The following OTUD7B variants were observed in gnomAD, a reference collection of about 807,000 sequenced individuals.
OTUD7B encodes OTU deubiquitinase 7B, also known as OTU domain-containing protein 7B.
A neutral mutation model predicts 82.2 loss-of-function variants in OTUD7B; 34 were observed. That is an observed-to-expected ratio of 0.41 (90% confidence interval 0.31 to 0.55). OTUD7B has a LOEUF of 0.55. Among genes scored for constraint, OTUD7B ranks in the 20% least tolerant of loss-of-function variants. The pLI, the probability that OTUD7B is intolerant of heterozygous loss-of-function variation, is 0.20. For missense variants in OTUD7B, 944 were observed against 1,062.1 expected (o/e 0.89, Z 1.55); for synonymous variants, 398 against 402.7 (o/e 0.99, Z 0.14).
the OTUD7B span, among the ~76,000 whole-genome samples, chr1:150,048,199 C>T: frequency 6.6e-6 from 1 of 152,080 alleles, no homozygotes; most frequent in Non-Finnish European, 1.5e-5. Flanking sequence ...ATAAATTCCA[C>T]ACCCTTCCAC....
chr1:149,997,917 C>T (rs1467363000), intron 1 of OTUD7B, among the ~76,000 whole-genome samples: 5 of 152,114 alleles, frequency 3.3e-5, no homozygotes, highest in African/African-American at 1.2e-4. Flanking sequence ...ACACCAAGTC[C>T]TACTACTTAC....
chr1:150,014,425 G>A (rs1653212415), upstream of OTUD7B, among the ~76,000 whole-genome samples: 1 of 149,220 alleles, frequency 6.7e-6, no homozygotes, highest in East Asian at 2.0e-4. Context: ...TGTATGAGGG[G>A]AAGTTTCATA....
the OTUD7B span, among the ~76,000 whole-genome samples, chr1:150,038,248 T>G: frequency 1.3e-5 from 2 of 152,156 alleles, no homozygotes; most frequent in African/African-American, 2.4e-5. Context: ...TTTTTGCTTT[T>G]TAGATTTCTT....
chr1:150,039,388 T>TTTG, the OTUD7B span, among the ~76,000 whole-genome samples: 1 of 55,694 alleles, frequency 1.8e-5, no homozygotes, highest in Non-Finnish European at 4.4e-5. Context: ...AAAAAAAAAA[T>TTTG]TTTTTTTGAG....
chr1:150,016,232 A>G, the OTUD7B span, among the ~76,000 whole-genome samples: 3 of 152,202 alleles, frequency 2.0e-5, no homozygotes, highest in African/African-American at 4.8e-5. Context: ...AATGTCATCA[A>G]CAATACCTCA....
the OTUD7B span, among the ~76,000 whole-genome samples, chr1:150,065,286 C>G: frequency 5.9e-5 from 9 of 152,128 alleles, no homozygotes; most frequent in Non-Finnish European, 1.0e-4. Flanking sequence ...ATTGTCTAAG[C>G]TGGTCTTGAA....
At chr1:149,988,882 CAA>C (rs1241699244) in intron 1 of OTUD7B, among the ~76,000 whole-genome samples, 2 of 152,034 alleles carry the variant, frequency 1.3e-5, no homozygotes, top group Non-Finnish European at 2.9e-5. Flanking sequence ...ATTTTTCACA[CAA>C]GAGAAAAAAA....
At chr1:150,000,020 T>G (rs75480592) in intron 1 of OTUD7B, among the ~76,000 whole-genome samples, 7,150 of 152,312 alleles carry the variant, frequency 0.047, 216 homozygotes, top group Non-Finnish European at 0.072. Flanking sequence ...GATACAACTT[T>G]GATTAGTTAA....
intron 10 of OTUD7B, among the ~76,000 whole-genome samples, chr1:149,947,777 A>C (rs1459355321): frequency 1.3e-5 from 2 of 152,154 alleles, no homozygotes; most frequent in African/African-American, 4.8e-5. Context: ...GCAGGAGCCC[A>C]GAGAGTGAAG....
the OTUD7B span, among the ~76,000 whole-genome samples, chr1:150,052,039 C>G: frequency 6.6e-6 from 1 of 152,126 alleles, no homozygotes; most frequent in Non-Finnish European, 1.5e-5. Context: ...AATGAGTCAT[C>G]TATGACAAAC....
intron 7 of OTUD7B, among the ~76,000 whole-genome samples, chr1:149,950,978 T>TTTTTG (rs1648187290): frequency 0.01 from 1 of 98 alleles, no homozygotes; most frequent in Admixed American, 0.062. Flanking sequence ...ACTTTTTGTA[T>TTTTTG]TTTTTTTTTT....
At chr1:150,036,262 C>CTT in the OTUD7B span, among the ~76,000 whole-genome samples, 112,285 of 136,718 alleles carry the variant, frequency 0.82, 46,515 homozygotes, top group South Asian at 0.95. Flanking sequence ...TTCATTGTAA[C>CTT]TTTTTTTTTT....
the OTUD7B span, among the ~76,000 whole-genome samples, chr1:150,051,550 A>G: frequency 1.3e-5 from 2 of 152,182 alleles, no homozygotes; most frequent in Non-Finnish European, 2.9e-5. Flanking sequence ...GTACAAAAAT[A>G]TATAGTGAAA....
chr1:150,010,432 CGG>C lies in OTUD7B; in HGVS notation c.-67+14_-67+15del, dbSNP rs1350831209. ...GAGCAGACGGGGGACGGTGTCAGGA[CGG>C]GGGGCTCCGTTACCCTCGCGGGCTC... On this transcript the variant is annotated intron_variant, in intron 1 of 11. Coordinates refer to ENST00000581312, the MANE Select transcript of OTUD7B (RefSeq NM_020205.4). The C allele has an allele frequency of 6.6e-6, 1 of 152,272 alleles. No individual in the cohort carries two copies. The highest frequency in any genetic ancestry group is 1.5e-5 in the Non-Finnish European group (1 of 68,238). The allele number at this position is 152,272 out of a possible 1,614,324, so 9.4% of individuals were successfully genotyped here. A position where few individuals can be genotyped will look rare whatever the true frequency, so the allele number is the denominator to read the frequency against.
the OTUD7B span, among the ~76,000 whole-genome samples, chr1:150,064,043 T>C: frequency 2.0e-5 from 3 of 152,238 alleles, no homozygotes; most frequent in Admixed American, 6.5e-5. Context: ...TTTTCTGAAA[T>C]TGATTCTATG....
At chr1:150,022,529 GT>G in the OTUD7B span, among the ~76,000 whole-genome samples, 1 of 151,598 alleles carries the variant, frequency 6.6e-6, no homozygotes, top group Non-Finnish European at 1.5e-5. Flanking sequence ...GTGATCACAT[GT>G]GCAGAGCACA....
At position 149,965,716 on chromosome 1, in the gene OTUD7B, T is replaced by A. The variant is rs1649482785; in HGVS notation, c.604+61A>T. 4 of 1,199,736 alleles carry A rather than the reference T, an allele frequency of 3.3e-6. No individual in the cohort carries two copies. In the South Asian group the frequency reaches 3.8e-5, roughly 11 times the overall value. The allele number at this position is 1,199,736 out of a possible 1,614,324, so 74.3% of individuals were successfully genotyped here. On this transcript the variant is annotated intron_variant, in intron 5 of 11. Coordinates refer to ENST00000581312, the MANE Select transcript of OTUD7B (RefSeq NM_020205.4). ...GGTTATCTGGATCAAGTCCTACACATGAGATTTGACTCAACTGCTTCCTTT... is the reference window on the plus strand; with the variant it reads ...GGTTATCTGGATCAAGTCCTACACAAGAGATTTGACTCAACTGCTTCCTTT...
chr1:149,956,116 G>T (rs192928858), intron 7 of OTUD7B, among the ~76,000 whole-genome samples: 7 of 152,314 alleles, frequency 4.6e-5, no homozygotes, highest in Admixed American at 3.9e-4. Context: ...AGTTGATGCA[G>T]TTTCTTCCTA....
intron 3 of OTUD7B, among the ~76,000 whole-genome samples, chr1:149,969,291 C>T (rs1445885397): frequency 6.6e-6 from 1 of 152,058 alleles, no homozygotes; most frequent in Admixed American, 6.5e-5. Flanking sequence ...CAGCCTCACT[C>T]CAGCCTTGGA....
Sources: allele counts gnomAD v4.1 joint callset (sites outside exome capture counted in the v4.1 genomes callset), GRCh38; gene constraint gnomAD v4.1.1; transcripts MANE v1.5; gene names NCBI Gene and HGNC (gene_info 2026-07-23, HGNC 2026-07-21).